Variants in HECTD3 observed in about 807,000 individuals in gnomAD.
HECTD3 encodes the protein E3 ubiquitin-protein ligase HECTD3.
A neutral mutation model predicts 109.3 loss-of-function variants in HECTD3; 72 were observed. That is an observed-to-expected ratio of 0.66 (90% CI 0.54 to 0.80). The LOEUF (loss-of-function observed/expected upper bound fraction) is 0.80, where lower values mean the gene tolerates loss of function less well. HECTD3 is among the 30% of genes least tolerant of loss of function. The pLI is 0.00. For missense variants in HECTD3, 1,041 were observed against 1,165.2 expected (o/e 0.89, Z 1.55); for synonymous variants, 481 against 471.8 (o/e 1.02, Z -0.25).
Position 45,008,778 on chromosome 1 carries a change from T to C in HECTD3, c.1073-77A>G, listed in dbSNP as rs185239958. ...GCCCTCAGACCTGGGACCGGCTCCT[T>C]GAACGCTCAGCCTTGTGTCACCGTT... On this transcript the variant is annotated intron_variant, in intron 7 of 20. Coordinates refer to ENST00000372172, the MANE Select transcript of HECTD3 (RefSeq NM_024602.6). The C allele has an allele frequency of 2.5e-4, 347 of 1,411,106 alleles. No individual in the cohort carries two copies. In the African/African-American group the frequency reaches 4.2e-3, roughly 17 times the overall value. 87.4% of individuals were successfully genotyped at this position (1,411,106 alleles called of 1,614,324 possible).
At chr1:45,007,649 A>T in intron 9 of HECTD3, 54 bp from the exon 10 acceptor site, 1 of 1,467,172 alleles carries the variant, frequency 6.8e-7, no homozygotes, top group Middle Eastern at 2.4e-4. Context: ...GCCTCCGTCC[A>T]GGCCCTGGAA....
rs1318379813 is a variant in HECTD3, at chr1:45,009,414, C to T, written c.944G>A (p.Gly315Asp). ...CAGCTTCTTCAGGTTGTCCCCTTCA[C>T]CCCCATAGACCACCACCCGCTTTGG... ...FMPKRVVVYG[G>D]EGDNLKKLSD... The change falls in exon 6 of 21, where the codon GGT (glycine) becomes GAT (aspartate). Residue 315 changes from glycine (G) to aspartate (D), a missense_variant. Physicochemically the swap from Gly to Asp is moderately conservative, Grantham distance 94 (BLOSUM62 -1). Around this residue, in one of 2 missense-constraint regions of HECTD3, gnomAD observed 472 missense variants for 449.9 expected, o/e 1.05. Coordinates refer to ENST00000372172, the MANE Select transcript of HECTD3 (RefSeq NM_024602.6). 1.5e-5 allele frequency: 25 copies of T among 1,614,086 alleles called. No homozygotes were observed. The highest frequency in any genetic ancestry group is 2.0e-5 in the Non-Finnish European group (24 of 1,179,944).
chr1:45,003,118 G>T lies in HECTD3; in HGVS notation c.*374C>A. On this transcript the variant is annotated 3_prime_UTR_variant, in exon 21 of 21. Coordinates refer to ENST00000372172, the MANE Select transcript of HECTD3 (RefSeq NM_024602.6). This position sits in a 1 kb window ranked among gnomAD's most constrained non-coding sequence, Gnocchi z 4.7. ...TAGTTGTGAGTCATGGCTGAAGAAA[G>T]CCAGAGAGAAAATAGGAGAAAAAAG... The T allele has an allele frequency of 4.5e-6, 1 of 221,912 alleles. No homozygotes were observed. Among genetic ancestry groups the T allele is most frequent in the Non-Finnish European group, 9.2e-6 (1 of 108,656 alleles). 13.7% of individuals were successfully genotyped at this position (221,912 alleles called of 1,614,324 possible).
At position 45,006,976 on chromosome 1, in the gene HECTD3, A is replaced by G. The variant is rs1326024839; in HGVS notation, c.1596T>C (p.Phe532=). The G allele has an allele frequency of 1.2e-6, 2 of 1,614,080 alleles. No individual in the cohort carries two copies. Among genetic ancestry groups the G allele is most frequent in the Admixed American group, 3.3e-5 (2 of 60,020 alleles). Residue 532 remains phenylalanine (F), a synonymous_variant, in exon 12 of 21, where the codon TTT becomes TTC. Transcript: ENST00000372172. This position sits in a 1 kb window ranked among gnomAD's most constrained non-coding sequence, Gnocchi z 4.7. ...MRYDQWWECK[F]IAEGIIDQGG... Reference sequence around the variant, plus strand: ...CTTGGTCAATGATGCCTTCTGCAATAAATTTACACTCCCACCACTGGTCAT... The same window carrying G: ...CTTGGTCAATGATGCCTTCTGCAATGAATTTACACTCCCACCACTGGTCAT...
Position 45,010,074 on chromosome 1 carries a change from T to C in HECTD3, c.671A>G (p.His224Arg), listed in dbSNP as rs1043950660. ...CTTGCCCAGGTGGTCATACAAGAAG[T>C]GGATCAGGTCCTCGTCGCACTCGTA... ...WTYECDEDLI[H>R]FLYDHLGKED... Residue 224 changes from histidine to arginine, a missense_variant, in exon 4 of 21, where the codon CAC becomes CGC. His to Arg is a conservative substitution (Grantham distance 29). Around this residue, in one of 2 missense-constraint regions of HECTD3, gnomAD observed 472 missense variants for 449.9 expected, o/e 1.05. Transcript: ENST00000372172. 6.3e-7 allele frequency: 1 copy of C among 1,581,798 alleles called. No individual in the cohort carries two copies. Among genetic ancestry groups the C allele is most frequent in the African/African-American group, 1.3e-5 (1 of 74,370 alleles).
In HECTD3 at chr1:45,011,295, G is replaced by C; in HGVS notation, c.-38C>G. On this transcript the variant is annotated 5_prime_UTR_variant, in exon 1 of 21. Transcript: ENST00000372172. ...GAGGTGAGCACCTAGAGGCGACCCT[G>C]CCCGGGGAACAGCTGGCGCGACCGC... The C allele has an allele frequency of 2.2e-6, 3 of 1,350,162 alleles. No individual in the cohort carries two copies. Among genetic ancestry groups the C allele is most frequent in the South Asian group, 1.8e-5 (1 of 55,598 alleles). 83.6% of individuals were successfully genotyped at this position (1,350,162 alleles called of 1,614,324 possible). A position where few individuals can be genotyped will look rare whatever the true frequency, so the allele number is the denominator to read the frequency against.
At chr1:45,010,465 C>T in intron 2 of HECTD3, 81 bp downstream of exon 2, 15 of 1,573,818 alleles carry the variant, frequency 9.5e-6, no homozygotes, top group Non-Finnish European at 1.2e-5. Flanking sequence ...ATCCCACCCA[C>T]CCCAGGCTGT....
At position 45,003,536 on chromosome 1, in the gene HECTD3, T is replaced by C; in HGVS notation, c.2542A>G (p.Asn848Asp). ...CEEKLRYAAY[N>D]CVAIDTDMSP... ...ATGTCAGTGTCGATGGCCACGCAGT[T>C]GTAGGCCGCATAGCGGAGCTTCTCC... Residue 848 changes from asparagine (N) to aspartate (D), a missense_variant, in exon 21 of 21, where the codon AAC becomes GAC. By Grantham distance (23) the Asn-to-Asp change is conservative (BLOSUM62 1). Coordinates refer to ENST00000372172, the MANE Select transcript of HECTD3 (RefSeq NM_024602.6). The surrounding 1 kb of genome is among the most constrained non-coding windows in gnomAD (Gnocchi z 4.7). 1 of 1,614,188 alleles carries C rather than the reference T, an allele frequency of 6.2e-7. No homozygotes were observed. The highest frequency in any genetic ancestry group is 8.5e-7 in the Non-Finnish European group (1 of 1,180,028).
In HECTD3 at chr1:45,008,590, C is replaced by T. The variant is rs757387666; in HGVS notation, c.1184G>A (p.Arg395His). ...TACTTCAGGGTCGGTGCCTTCTAGG[C>T]GTGGATATCGCACCAGACTAGTTGG... is the stretch of plus-strand genomic sequence containing the variant. ...FQPTSLVRYP[R>H]LEGTDPEVLY... Residue 395 changes from arginine to histidine, a missense_variant, in exon 8 of 21, where the codon CGC (arginine) becomes CAC (histidine). This residue lies in a region of HECTD3 where 569 missense variants were observed against 715.3 expected (regional missense o/e 0.80). Coordinates refer to ENST00000372172, the MANE Select transcript of HECTD3 (RefSeq NM_024602.6). The T allele has an allele frequency of 3.1e-6, 5 of 1,613,912 alleles. No homozygotes were observed. The highest frequency in any genetic ancestry group is 1.7e-5 in the Admixed American group (1 of 60,000).
intron 15 of HECTD3, 31 bp from the exon 16 acceptor site, chr1:45,004,837 C>G (rs1459256301): frequency 6.3e-7 from 1 of 1,588,092 alleles, no homozygotes; most frequent in African/African-American, 1.3e-5. Flanking sequence ...GGGAGGTAAC[C>G]TTTTCACTGT....
rs374591685 is a variant in HECTD3, at chr1:45,009,222, G to A, written c.994C>T (p.Leu332Phe). Residue 332 changes from leucine (L) to phenylalanine (F), a missense_variant, in exon 7 of 21, where the codon CTC becomes TTC. Transcript: ENST00000372172. Reference protein sequence around the residue: ...KLSDVSIDETLIGDVCVLEDM... With the variant: ...KLSDVSIDETFIGDVCVLEDM... ...TCCAGGACACAGACATCCCCGATGA[G>A]GGTCCTGAGGAGATGAGTGTGAAGC... 9.3e-6 allele frequency: 15 copies of A among 1,613,204 alleles called. 1 individual carries two copies. The Middle Eastern group carries it at 1.2e-3, about 124-fold the overall frequency.
At position 45,009,552 on chromosome 1, in the gene HECTD3, C is replaced by T; in HGVS notation, c.875+16G>A. ...GACATAGCCCACCCACCCTGTCCTG[C>T]CCAGAGCCTACTTACTTGACAATGG... On this transcript the variant is annotated intron_variant, in intron 5 of 20. Transcript: ENST00000372172. The T allele has an allele frequency of 1.2e-6, 2 of 1,609,778 alleles. No individual in the cohort carries two copies. The highest frequency in any genetic ancestry group is 3.3e-4 in the Middle Eastern group (2 of 6,056).
rs761045179 is a variant in HECTD3 at position 45,010,755 on chromosome 1, G to A, written c.370-49C>T. The stretch of plus-strand genomic sequence containing the variant: ...ACAGCCGTCAGGGAACTGCCCAGCC[G>A]CCTGTCGTGCCCAGCCCAGGGCAAA... On this transcript the variant is annotated intron_variant, in intron 1 of 20. Coordinates refer to ENST00000372172, the MANE Select transcript of HECTD3 (RefSeq NM_024602.6). 173 of 1,521,430 alleles carry A rather than the reference G, an allele frequency of 1.1e-4. No homozygotes were observed. Among genetic ancestry groups the A allele is most frequent in the Admixed American group, 4.0e-5 (2 of 49,706 alleles). The allele number at this position is 1,521,430 out of a possible 1,614,324, so 94.2% of individuals were successfully genotyped here.
chr1:45,005,900 C>T lies in HECTD3; in HGVS notation c.1846-17G>A, dbSNP rs1172024581. The stretch of plus-strand genomic sequence containing the variant: ...GGCCAGGACCTGTGTGACAAACACT[C>T]CCCACTGTCTTCTCACCCTGAGCTG... On this transcript the variant is annotated splice_polypyrimidine_tract_variant and intron_variant, in intron 14 of 20. Coordinates refer to ENST00000372172, the MANE Select transcript of HECTD3 (RefSeq NM_024602.6). 1 of 1,604,452 alleles carries T rather than the reference C, an allele frequency of 6.2e-7. No homozygotes were observed. Among genetic ancestry groups the T allele is most frequent in the Admixed American group, 1.7e-5 (1 of 59,252 alleles).
In HECTD3 at chr1:45,008,705, G is replaced by C; in HGVS notation, c.1073-4C>G. On this transcript the variant is annotated splice_region_variant and splice_polypyrimidine_tract_variant and intron_variant, in intron 7 of 20. Transcript: ENST00000372172. Reference sequence around the variant, plus strand: ...AGACGAACATCAATCCCATCATCTGGGGGAAGGGGTCAGAGTAAGGTCATT... The same window carrying C: ...AGACGAACATCAATCCCATCATCTGCGGGAAGGGGTCAGAGTAAGGTCATT... 1 of 1,612,698 alleles carries C rather than the reference G, an allele frequency of 6.2e-7. No individual in the cohort carries two copies. The highest frequency in any genetic ancestry group is 8.5e-7 in the Non-Finnish European group (1 of 1,179,612).
In HECTD3 at chr1:45,010,576, A is replaced by G; in HGVS notation, c.500T>C (p.Leu167Pro). 2 of 1,613,606 alleles carry G rather than the reference A, an allele frequency of 1.2e-6. No homozygotes were observed. The highest frequency in any genetic ancestry group is 1.7e-6 in the Non-Finnish European group (2 of 1,179,976). Residue 167 changes from leucine (L) to proline (P), a missense_variant, in exon 2 of 21, where the codon CTC becomes CCC. Leu to Pro is a moderately conservative substitution (Grantham distance 98). Coordinates refer to ENST00000372172, the MANE Select transcript of HECTD3 (RefSeq NM_024602.6). ...CACCGGCCGATAATCCACGCCAAAG[A>G]GCTGCTGCTGCCGCTGGAGGTGGTT... is the stretch of plus-strand genomic sequence containing the variant. ...TPNHLQRQQQLFGVDYRPVLR... is the reference protein window; with the variant it reads ...TPNHLQRQQQPFGVDYRPVLR...
At chr1:45,008,940 G>A (rs777494863) in intron 7 of HECTD3, among the ~76,000 whole-genome samples, 1 of 152,072 alleles carries the variant, frequency 6.6e-6, no homozygotes, top group Non-Finnish European at 1.5e-5. Flanking sequence ...TTCCAGGTGA[G>A]CCCAACCACC....
chr1:45,005,113 G>A (rs904515624), intron 15 of HECTD3: 5 of 463,606 alleles, frequency 1.1e-5, no homozygotes, highest in South Asian at 2.1e-5. Flanking sequence ...AAGGCCTAAG[G>A]AAACTGTGTG....
rs756297767 is a variant in HECTD3 at position 45,006,098 on chromosome 1, C to T, written c.1744G>A (p.Ala582Thr). Residue 582 changes from alanine to threonine, a missense_variant, in exon 14 of 21, where the codon GCT (alanine) becomes ACT (threonine). Around this residue, in one of 2 missense-constraint regions of HECTD3, gnomAD observed 569 missense variants for 715.3 expected, o/e 0.80. Transcript: ENST00000372172. This position sits in a 1 kb window ranked among gnomAD's most constrained non-coding sequence, Gnocchi z 4.7. ...GGGTTGGGTACATACATGTCCCGAG[C>T]CTCACCAGTGCCATTGCCCTGCCCC... ...TANQGNGTGE[A>T]RDMYVPNPSC... 1 of 1,614,058 alleles carries T rather than the reference C, an allele frequency of 6.2e-7. No homozygotes were observed.
Sources: allele counts gnomAD v4.1 joint callset (sites outside exome capture counted in the v4.1 genomes callset), GRCh38; gene constraint gnomAD v4.1.1; regional missense constraint gnomAD v4.1.1; non-coding constraint Gnocchi (gnomAD v3.1); transcripts MANE v1.5; gene names NCBI Gene and HGNC (gene_info 2026-07-23, HGNC 2026-07-21).